USP8: variants seen among roughly 807,000 people sequenced by gnomAD.
The protein encoded by USP8 is ubiquitin carboxyl-terminal hydrolase 8.
In USP8, 27 loss-of-function variants were observed where a neutral mutation model predicts 130.0. The observed-to-expected ratio is 0.21, with a 90% CI of 0.15 to 0.29. The LOEUF (loss-of-function observed/expected upper bound fraction) is 0.29, where lower values mean the gene tolerates loss of function less well. Ranked by LOEUF, USP8 falls within the 10% of genes least tolerant of loss-of-function variation. USP8 has a pLI of 1.00. For synonymous variants in USP8, 392 were observed against 444.1 expected (o/e 0.88, Z 1.48); for missense variants, 1,029 against 1,312.2 (o/e 0.78, Z 3.33).
chr15:50,501,008 C>T lies in USP8; in HGVS notation c.*1920C>T, dbSNP rs895367780. The T allele has an allele frequency of 3.3e-5, 19 of 576,104 alleles. No homozygotes were observed. The highest frequency in any genetic ancestry group is 9.2e-4 in the Middle Eastern group (2 of 2,170). 35.7% of individuals were successfully genotyped at this position (576,104 alleles called of 1,614,324 possible). Reference sequence around the variant, plus strand: ...ATAGCCTGACTGCTATATTGCTTCTCATTTCATTGTAACTACTTATATGTT... The same window carrying T: ...ATAGCCTGACTGCTATATTGCTTCTTATTTCATTGTAACTACTTATATGTT... On this transcript the variant is annotated 3_prime_UTR_variant, in exon 20 of 20. Coordinates refer to ENST00000307179, the MANE Select transcript of USP8 (RefSeq NM_005154.5).
Position 50,490,420 on chromosome 15 carries a change from C to G in USP8, c.2129C>G (p.Pro710Arg). 1 of 1,614,094 alleles carries G rather than the reference C, an allele frequency of 6.2e-7. No individual in the cohort carries two copies. The highest frequency in any genetic ancestry group is 8.5e-7 in the Non-Finnish European group (1 of 1,180,030). Reference sequence around the variant, plus strand: ...ATTCCTGCTGAGCGGGATAGGGAACCTTCCAAACTGAAGCGCTCCTACTCC... The same window carrying G: ...ATTCCTGCTGAGCGGGATAGGGAACGTTCCAAACTGAAGCGCTCCTACTCC... ...PQIPAERDREPSKLKRSYSSP... is the reference protein window; with the variant it reads ...PQIPAERDRERSKLKRSYSSP... Residue 710 changes from proline (P) to arginine (R), a missense_variant, in exon 14 of 20, where the codon CCT becomes CGT. Coordinates refer to ENST00000307179, the MANE Select transcript of USP8 (RefSeq NM_005154.5).
chr15:50,451,941 T>C (rs752199241), intron 4 of USP8, among the ~76,000 whole-genome samples: 12 of 152,216 alleles, frequency 7.9e-5, no homozygotes, highest in Non-Finnish European at 1.5e-4. Context: ...TCTGCTAAAT[T>C]CTGCCTAATC....
At chr15:50,486,701 C>T (rs1391695447) in intron 12 of USP8, among the ~76,000 whole-genome samples, 2 of 152,076 alleles carry the variant, frequency 1.3e-5, no homozygotes, top group South Asian at 4.2e-4. Context: ...TAACACATAA[C>T]CCATTAAAAC....
intron 6 of USP8, chr15:50,463,561 G>A (rs2141283359): frequency 6.6e-6 from 1 of 152,184 alleles, no homozygotes; most frequent in African/African-American, 2.4e-5. Flanking sequence ...GTGCTATAAG[G>A]TACTTCCCTA....
intron 4 of USP8, among the ~76,000 whole-genome samples, chr15:50,450,252 C>A (rs184209705): frequency 6.6e-6 from 1 of 151,828 alleles, no homozygotes; most frequent in Non-Finnish European, 1.5e-5. Context: ...AAATTCAATT[C>A]TTCATATGTT....
chr15:50,480,059 C>A (rs2051710671), intron 10 of USP8, among the ~76,000 whole-genome samples: 1 of 152,132 alleles, frequency 6.6e-6, no homozygotes, highest in Non-Finnish European at 1.5e-5. Context: ...CTGCGCCTGG[C>A]AACTTCTTTT....
chr15:50,471,985 C>T (rs1227453586), intron 8 of USP8, among the ~76,000 whole-genome samples, 190 bp downstream of exon 8: 1 of 150,922 alleles, frequency 6.6e-6, no homozygotes, highest in Non-Finnish European at 1.5e-5. Flanking sequence ...ACTGCAACCT[C>T]CGCGTCCCAG....
chr15:50,507,744 G>A lies in USP8; in HGVS notation c.*8656G>A, dbSNP rs1035756280. 1 of 152,094 alleles carries A rather than the reference G, an allele frequency of 6.6e-6. No homozygotes were observed. The highest frequency in any genetic ancestry group is 6.6e-5 in the Admixed American group (1 of 15,262). The allele number at this position is 152,094 out of a possible 1,614,324, so 9.4% of individuals were successfully genotyped here. On this transcript the variant is annotated 3_prime_UTR_variant, in exon 20 of 20. Transcript: ENST00000307179. The stretch of plus-strand genomic sequence containing the variant: ...ATACTTAGATGAGTATCTGACTCCT[G>A]AAATAGAAGTGCACTGTCTCAACAA...
In USP8 at chr15:50,424,460, G is replaced by A. The variant is rs1458425104; in HGVS notation, c.-120G>A. 8 of 398,618 alleles carry A rather than the reference G, an allele frequency of 2.0e-5. No homozygotes were observed. Among genetic ancestry groups the A allele is most frequent in the Non-Finnish European group, 3.5e-5 (8 of 226,128 alleles). 24.7% of individuals were successfully genotyped at this position (398,618 alleles called of 1,614,324 possible). On this transcript the variant is annotated 5_prime_UTR_variant, in exon 1 of 20. Transcript: ENST00000307179. Reference sequence around the variant, plus strand: ...AGGCTAATTCTCCCTCGAGTTCTTGGGAGATGGGCATTTGGCGAGAAGGCT... The same window carrying A: ...AGGCTAATTCTCCCTCGAGTTCTTGAGAGATGGGCATTTGGCGAGAAGGCT...
At chr15:50,473,637 T>C (rs1405902487) in intron 8 of USP8, among the ~76,000 whole-genome samples, 4 of 151,432 alleles carry the variant, frequency 2.6e-5, no homozygotes, top group Admixed American at 6.6e-5. Flanking sequence ...TAGCTGGGAC[T>C]ACAGGTACGC....
intron 1 of USP8, among the ~76,000 whole-genome samples, chr15:50,433,078 C>A (rs113941806): frequency 4.6e-5 from 7 of 152,086 alleles, no homozygotes; most frequent in African/African-American, 1.7e-4. Context: ...CCTGTCTCTA[C>A]TAAAATACAA....
chr15:50,424,646 C>T (rs905919416), intron 1 of USP8, 132 bp downstream of exon 1: 1 of 396,346 alleles, frequency 2.5e-6, no homozygotes, highest in African/African-American at 2.1e-5. Context: ...AGTGGGACAA[C>T]TCCTAAAGGT....
rs1596002499 is a variant in USP8, at chr15:50,503,591, G to A, written c.*4503G>A. ...CACCCTCTAGTGCTTGTGTTAGCTT[G>A]GACTCATGGTACAGAGAATAAAAGT... On this transcript the variant is annotated 3_prime_UTR_variant, in exon 20 of 20. Coordinates refer to ENST00000307179, the MANE Select transcript of USP8 (RefSeq NM_005154.5). 1.3e-5 allele frequency: 2 copies of A among 152,186 alleles called. No homozygotes were observed. Among genetic ancestry groups the A allele is most frequent in the East Asian group, 3.9e-4 (2 of 5,192 alleles). The allele number at this position is 152,186 out of a possible 1,614,324, so 9.4% of individuals were successfully genotyped here. A position where few individuals can be genotyped will look rare whatever the true frequency, so the allele number is the denominator to read the frequency against.
chr15:50,482,562 T>C (rs2051813035), intron 11 of USP8, among the ~76,000 whole-genome samples: 1 of 152,228 alleles, frequency 6.6e-6, no homozygotes, highest in Non-Finnish European at 1.5e-5. Flanking sequence ...TCTATTTAAA[T>C]AATATTGGCA....
Position 50,505,876 on chromosome 15 carries a change from A to C in USP8, c.*6788A>C, listed in dbSNP as rs2052651133. On this transcript the variant is annotated 3_prime_UTR_variant, in exon 20 of 20. Transcript: ENST00000307179. ...GCAGGCAGAGGCAGGAGGATCCCTT[A>C]AGCCCAGAGTTCAAAACTGTAGTGA... is the stretch of plus-strand genomic sequence containing the variant. 2 of 152,306 alleles carry C rather than the reference A, an allele frequency of 1.3e-5. No homozygotes were observed. The highest frequency in any genetic ancestry group is 4.8e-5 in the African/African-American group (2 of 41,462). 9.4% of individuals were successfully genotyped at this position (152,306 alleles called of 1,614,324 possible).
At chr15:50,481,228 C>G (rs949230120) in intron 10 of USP8, among the ~76,000 whole-genome samples, 4 of 152,124 alleles carry the variant, frequency 2.6e-5, no homozygotes, top group African/African-American at 9.7e-5. Context: ...ATTTTTAACT[C>G]TTTTGTATAC....
intron 17 of USP8, 123 bp downstream of exon 17, chr15:50,496,207 G>A (rs1349190450): frequency 2.2e-5 from 17 of 783,930 alleles, no homozygotes; most frequent in African/African-American, 1.2e-4. Flanking sequence ...TCGGCCGGGC[G>A]CAGTGGCTCA....
intron 10 of USP8, among the ~76,000 whole-genome samples, chr15:50,481,244 A>T (rs1487295505): frequency 6.6e-6 from 1 of 152,204 alleles, no homozygotes; most frequent in Non-Finnish European, 1.5e-5. Context: ...TATACAAAAC[A>T]CTCAGGAAGA....
rs1199351991 is a variant in USP8, at chr15:50,504,297, G to A, written c.*5209G>A. The A allele has an allele frequency of 6.6e-6, 1 of 152,262 alleles. No individual in the cohort carries two copies. Among genetic ancestry groups the A allele is most frequent in the Non-Finnish European group, 1.5e-5 (1 of 68,106 alleles). 9.4% of individuals were successfully genotyped at this position (152,262 alleles called of 1,614,324 possible). ...CCCAACGTTTTTGGGGGATGGAGGT[G>A]GGCAGACTGCTTGAGCCCAGGAGTT... On this transcript the variant is annotated 3_prime_UTR_variant, in exon 20 of 20. Transcript: ENST00000307179.
Sources: gnomAD v4.1 joint callset for allele counts (sites outside exome capture counted in the v4.1 genomes callset) on GRCh38, gnomAD v4.1.1 for gene constraint, MANE v1.5 for transcripts, NCBI Gene and HGNC (gene_info 2026-07-23, HGNC 2026-07-21) for gene names.